The following ROBO1 variants were observed in gnomAD, a reference collection of about 807,000 sequenced individuals.
The protein encoded by ROBO1 is roundabout guidance receptor 1.
ROBO1 carries 149 observed loss-of-function variants against 195.9 expected under a neutral mutation model. That is an observed-to-expected ratio of 0.76 (90% CI 0.67 to 0.87). The LOEUF (loss-of-function observed/expected upper bound fraction) is 0.87, where lower values mean the gene tolerates loss of function less well. Ranked by LOEUF, ROBO1 falls within the 40% of genes least tolerant of loss-of-function variation. The pLI, the probability that ROBO1 is intolerant of heterozygous loss-of-function variation, is 0.00. For synonymous variants in ROBO1, 816 were observed against 733.2 expected (o/e 1.11, Z -1.82); for missense variants, 1,933 against 2,068.3 (o/e 0.93, Z 1.27).
chr3:79,646,859 G>A (rs1945834800), intron 1 of ROBO1, among the ~76,000 whole-genome samples: 1 of 152,056 alleles, frequency 6.6e-6, no homozygotes, highest in South Asian at 2.1e-4. Flanking sequence ...TAAAAGAGCA[G>A]ATCCCATAAA....
intron 2 of ROBO1, among the ~76,000 whole-genome samples, chr3:79,553,924 A>G (rs1942610599): frequency 6.6e-6 from 1 of 152,066 alleles, no homozygotes; most frequent in Non-Finnish European, 1.5e-5. Flanking sequence ...AAACCAAAAT[A>G]TGGATTGACT....
intron 4 of ROBO1, among the ~76,000 whole-genome samples, chr3:78,912,429 C>T (rs905149817): frequency 6.6e-6 from 1 of 152,078 alleles, no homozygotes; most frequent in Admixed American, 6.6e-5. Flanking sequence ...CTTCCATACA[C>T]AATACAAGGC....
In ROBO1 at chr3:78,746,647, T is replaced by C. The variant is rs536777930; in HGVS notation, c.657+96A>G. ...ACATGGGAGCTGACGCAAGCCTTTA[T>C]TGAAAATAATCTACTTCATTTTTCT... On this transcript the variant is annotated intron_variant, in intron 5 of 30. Transcript: ENST00000464233. 6.7e-5 allele frequency: 71 copies of C among 1,063,822 alleles called. No homozygotes were observed. In the South Asian group the frequency reaches 1.5e-3, roughly 22 times the overall value. The allele number at this position is 1,063,822 out of a possible 1,614,324, so 65.9% of individuals were successfully genotyped here.
intron 2 of ROBO1, among the ~76,000 whole-genome samples, chr3:79,162,800 T>A (rs1364500976): frequency 6.6e-6 from 1 of 152,070 alleles, no homozygotes; most frequent in Non-Finnish European, 1.5e-5. Flanking sequence ...GCAGCAAGCA[T>A]GAGATTCTGC....
intron 1 of ROBO1, among the ~76,000 whole-genome samples, chr3:79,653,604 C>T (rs1452357229): frequency 6.6e-6 from 1 of 151,938 alleles, no homozygotes; most frequent in Non-Finnish European, 1.5e-5. Flanking sequence ...CCCATTAGGG[C>T]ATCTTTTCTA....
In ROBO1 at chr3:79,732,928, A is replaced by G. The variant is rs1031944215; in HGVS notation, c.-51+34824T>C. ...CTCCCAATCCCTTTCTCTTTTCCATATCTCAATCATGAGTTTTAGACCTGT... is the reference window on the plus strand; with the variant it reads ...CTCCCAATCCCTTTCTCTTTTCCATGTCTCAATCATGAGTTTTAGACCTGT... On this transcript the variant is annotated intron_variant, in intron 1 of 30. Transcript: ENST00000464233. Among the ~76,000 whole-genome samples the G allele has an allele frequency of 3.3e-5, 5 of 152,132 alleles. No homozygotes were observed. The East Asian group carries it at 9.6e-4, about 29-fold the overall frequency.
At chr3:79,463,543 T>A (rs1937776074) in intron 2 of ROBO1, among the ~76,000 whole-genome samples, 1 of 152,174 alleles carries the variant, frequency 6.6e-6, no homozygotes, top group African/African-American at 2.4e-5. Context: ...AAATTTGATT[T>A]TTTTCTGCTG....
chr3:78,917,185 C>T (rs956232844), intron 4 of ROBO1, among the ~76,000 whole-genome samples: 2 of 145,962 alleles, frequency 1.4e-5, no homozygotes, highest in African/African-American at 5.1e-5. Flanking sequence ...CAACCTCTGC[C>T]TCCCGGGTTC....
At chr3:79,156,433 A>T (rs1174284887) in intron 2 of ROBO1, among the ~76,000 whole-genome samples, 1 of 151,832 alleles carries the variant, frequency 6.6e-6, no homozygotes, top group Non-Finnish European at 1.5e-5. Context: ...TCACATTGTT[A>T]CATAATAAAT....
intron 26 of ROBO1, among the ~76,000 whole-genome samples, chr3:78,620,017 C>CAAA (rs11314248): frequency 9.3e-6 from 1 of 107,770 alleles, no homozygotes; most frequent in Non-Finnish European, 2.1e-5. Context: ...GACTCTGTCT[C>CAAA]AAAAAAAAAA....
chr3:78,717,192 A>G, intron 7 of ROBO1, 83 bp downstream of exon 7: 2 of 1,409,612 alleles, frequency 1.4e-6, no homozygotes, highest in Non-Finnish European at 1.9e-6. Flanking sequence ...GGACTATTCT[A>G]ATGGCCCGGA....
rs113489124 is a variant in ROBO1 at position 78,617,228 on chromosome 3, A to G, written c.4282+407T>C. On this transcript the variant is annotated intron_variant, in intron 27 of 30. Transcript: ENST00000464233. Reference sequence around the variant, plus strand: ...TTAAACAAGAGAACTATCACAACAAATTTGATTTTGGTGAGGTTCTACACA... The same window carrying G: ...TTAAACAAGAGAACTATCACAACAAGTTTGATTTTGGTGAGGTTCTACACA... Among the ~76,000 whole-genome samples, 348 of 152,236 alleles carry G rather than the reference A, an allele frequency of 2.3e-3. 5 individuals are homozygous for G. The highest frequency in any genetic ancestry group is 7.9e-3 in the African/African-American group (330 of 41,564).
In ROBO1 at chr3:79,408,594, GAGA is replaced by G. The variant is rs140346333; in HGVS notation, c.88+181227_88+181229del. On this transcript the variant is annotated intron_variant, in intron 2 of 30. Coordinates refer to ENST00000464233, the MANE Select transcript of ROBO1 (RefSeq NM_002941.4). ...GAGAGTGATATGGTGTGCAGTTCTT[GAGA>G]AGGTCTTTATCAGTTCTTGTCTTTG... is the stretch of plus-strand genomic sequence containing the variant. Among the ~76,000 whole-genome samples the G allele has an allele frequency of 2.7e-3, 416 of 152,172 alleles. 10 individuals are homozygous for G. The East Asian group carries it at 0.077, about 28-fold the overall frequency.
chr3:79,390,649 AAT>A (rs2106700954), intron 2 of ROBO1, among the ~76,000 whole-genome samples: 2 of 152,250 alleles, frequency 1.3e-5, no homozygotes, highest in South Asian at 4.1e-4. Flanking sequence ...CATTCAACAA[AAT>A]GAAGATGGCT....
chr3:79,209,353 G>A (rs1484327735), intron 2 of ROBO1, among the ~76,000 whole-genome samples: 2 of 152,080 alleles, frequency 1.3e-5, no homozygotes, highest in African/African-American at 4.8e-5. Flanking sequence ...AGTATTCCAT[G>A]GTGTATGTAA....
At chr3:79,712,476 G>A (rs1702315487) in intron 1 of ROBO1, among the ~76,000 whole-genome samples, 1 of 152,146 alleles carries the variant, frequency 6.6e-6, no homozygotes, top group African/African-American at 2.4e-5. Context: ...AGAGAGGGGA[G>A]AAAGCTATAG....
intron 2 of ROBO1, among the ~76,000 whole-genome samples, chr3:79,203,153 G>A (rs1408994485): frequency 6.6e-6 from 1 of 152,184 alleles, no homozygotes; most frequent in Admixed American, 6.6e-5. Context: ...ATTTCCAGAT[G>A]CAGCAGCTAC....
At chr3:79,211,564 GAGGGAAAAC>G (rs2081966265) in intron 2 of ROBO1, among the ~76,000 whole-genome samples, 1 of 152,270 alleles carries the variant, frequency 6.6e-6, no homozygotes, top group South Asian at 2.1e-4. Context: ...ACTCTACTAA[GAGGGAAAAC>G]ATTATTGTCT....
chr3:79,593,537 T>A (rs960984067), intron 1 of ROBO1, among the ~76,000 whole-genome samples: 1 of 152,036 alleles, frequency 6.6e-6, no homozygotes. Flanking sequence ...GGCTTATTTA[T>A]CATCTCATAA....
Sources: allele counts gnomAD v4.1 joint callset (sites outside exome capture counted in the v4.1 genomes callset), GRCh38; gene constraint gnomAD v4.1.1; transcripts MANE v1.5; gene names NCBI Gene and HGNC (gene_info 2026-07-23, HGNC 2026-07-21).